Variants in AGBL4 observed in about 807,000 individuals in gnomAD.
AGBL4 encodes AGBL carboxypeptidase 4.
Under a neutral mutation model 66.4 loss-of-function variants are expected in AGBL4, and 58 were observed. The ratio of observed to expected loss-of-function variants is 0.87; its 90% CI spans 0.71 to 1.09. The LOEUF is 1.09. Among genes scored for constraint, AGBL4 ranks in the 50% least tolerant of loss-of-function variants. The pLI is 0.00. For synonymous variants in AGBL4, 234 were observed against 222.9 expected, an observed-to-expected ratio of 1.05 and a Z score of -0.44; for missense variants, 579 against 631.0, an observed-to-expected ratio of 0.92 and a Z score of 0.88.
chr1:49,650,667 G>A (rs1384692411), intron 3 of AGBL4, among the ~76,000 whole-genome samples: 1 of 152,168 alleles, frequency 6.6e-6, no homozygotes, highest in Non-Finnish European at 1.5e-5. Context: ...CAACTACAGG[G>A]AACCAGTGGG....
chr1:49,918,817 C>T (rs1227495878), intron 1 of AGBL4, among the ~76,000 whole-genome samples: 3 of 152,126 alleles, frequency 2.0e-5, no homozygotes, highest in Non-Finnish European at 4.4e-5. Context: ...TGATGAACAT[C>T]GATGCAAAAA....
At chr1:49,826,239 A>T (rs559233811) in intron 2 of AGBL4, among the ~76,000 whole-genome samples, 3 of 152,326 alleles carry the variant, frequency 2.0e-5, no homozygotes, top group Non-Finnish European at 4.4e-5. Context: ...AAAAAAAACA[A>T]GCAAAACATA....
At chr1:48,943,021 G>A (rs1418423353) in intron 5 of AGBL4, among the ~76,000 whole-genome samples, 6 of 152,180 alleles carry the variant, frequency 3.9e-5, no homozygotes, top group East Asian at 3.9e-4. Flanking sequence ...CCCCTTTATC[G>A]TAGTTATTTC....
intron 3 of AGBL4, among the ~76,000 whole-genome samples, chr1:49,682,827 A>T (rs1274172682): frequency 2.0e-5 from 3 of 152,248 alleles, no homozygotes; most frequent in Non-Finnish European, 4.4e-5. Flanking sequence ...TCCTAGGAAG[A>T]CAACATGAAA....
intron 6 of AGBL4, among the ~76,000 whole-genome samples, chr1:48,740,156 A>T (rs1015457894): frequency 6.6e-6 from 1 of 152,272 alleles, no homozygotes; most frequent in African/African-American, 2.4e-5. Flanking sequence ...CAACTTTAGA[A>T]CACAGAAAGA....
intron 1 of AGBL4, among the ~76,000 whole-genome samples, chr1:49,954,020 A>G (rs1218690746): frequency 1.3e-5 from 2 of 151,842 alleles, no homozygotes; most frequent in East Asian, 3.9e-4. Flanking sequence ...CAGGCTCCTA[A>G]GTAGGTAGGA....
At chr1:49,225,470 C>CCATTA (rs1293376247) in intron 4 of AGBL4, among the ~76,000 whole-genome samples, 1 of 152,160 alleles carries the variant, frequency 6.6e-6, no homozygotes, top group Non-Finnish European at 1.5e-5. Flanking sequence ...TGCAGAGAAG[C>CCATTA]CATTACACAG....
At chr1:49,301,187 G>C (rs1644738174) in intron 3 of AGBL4, among the ~76,000 whole-genome samples, 1 of 152,178 alleles carries the variant, frequency 6.6e-6, no homozygotes. Flanking sequence ...TTTCAGCTAG[G>C]AGCTATCAAA....
At chr1:49,719,261 T>C (rs1648405548) in intron 2 of AGBL4, among the ~76,000 whole-genome samples, 1 of 152,174 alleles carries the variant, frequency 6.6e-6, no homozygotes, top group Non-Finnish European at 1.5e-5. Flanking sequence ...AGTCTATTCA[T>C]TTCCAAAATC....
At chr1:48,784,081 T>C (rs987754103) in intron 6 of AGBL4, among the ~76,000 whole-genome samples, 5 of 152,144 alleles carry the variant, frequency 3.3e-5, no homozygotes, top group African/African-American at 1.2e-4. Flanking sequence ...TCTTATGGTG[T>C]GGCCTTGGGT....
rs563696393 is a variant in AGBL4, at chr1:48,644,814, C to T, written c.839+8523G>A. 7.9e-5 allele frequency among the ~76,000 whole-genome samples: 12 copies of T among 152,204 alleles called. No individual in the cohort carries two copies. In the South Asian group the frequency reaches 2.1e-3, roughly 26 times the overall value. ...TTCTTTCTGAGGGTCAATGGGGAGC[C>T]GCCGAAGGATTTTTACACAAAGAAC... On this transcript the variant is annotated intron_variant, in intron 8 of 13. Transcript: ENST00000371839.
At chr1:49,606,898 G>A (rs1010955748) in intron 3 of AGBL4, among the ~76,000 whole-genome samples, 1 of 151,948 alleles carries the variant, frequency 6.6e-6, no homozygotes, top group African/African-American at 2.4e-5. Context: ...GGCATCACAG[G>A]AGGCAAGGGT....
chr1:48,675,153 G>A (rs965693118), intron 6 of AGBL4, among the ~76,000 whole-genome samples: 2 of 151,822 alleles, frequency 1.3e-5, no homozygotes, highest in African/African-American at 2.4e-5. Context: ...AGACCCCCCC[G>A]CCACACCCAT....
chr1:49,553,624 A>T (rs1259507756), intron 3 of AGBL4, among the ~76,000 whole-genome samples: 1 of 152,110 alleles, frequency 6.6e-6, no homozygotes, highest in African/African-American at 2.4e-5. Flanking sequence ...CAGCGAAAAG[A>T]CCCCAGAGAT....
intron 3 of AGBL4, among the ~76,000 whole-genome samples, chr1:49,488,223 C>A (rs1034760775): frequency 4.0e-5 from 6 of 151,416 alleles, no homozygotes; most frequent in African/African-American, 1.5e-4. Flanking sequence ...CCCAGAAAAC[C>A]ATTCTTTTCC....
chr1:49,939,203 G>C (rs1654468203), intron 1 of AGBL4, among the ~76,000 whole-genome samples: 1 of 151,416 alleles, frequency 6.6e-6, no homozygotes, highest in Non-Finnish European at 1.5e-5. Context: ...AAATAAAAGA[G>C]GATACAAACA....
At chr1:49,782,158 G>C (rs2147907589) in intron 2 of AGBL4, among the ~76,000 whole-genome samples, 1 of 151,708 alleles carries the variant, frequency 6.6e-6, no homozygotes, top group South Asian at 2.1e-4. Context: ...AAACAAGAAA[G>C]AAAGTCAATA....
chr1:48,981,683 G>A (rs923655304), intron 5 of AGBL4, among the ~76,000 whole-genome samples: 1 of 152,102 alleles, frequency 6.6e-6, no homozygotes, highest in Non-Finnish European at 1.5e-5. Context: ...TCAGGGGTTC[G>A]AGACCAGCCT....
chr1:49,283,983 G>C (rs577761650), intron 3 of AGBL4, among the ~76,000 whole-genome samples: 78 of 149,018 alleles, frequency 5.2e-4, no homozygotes, highest in African/African-American at 1.9e-3. Flanking sequence ...AATCTAGCAA[G>C]GCAGGCCAAC....
Sources: allele counts gnomAD v4.1 joint callset (sites outside exome capture counted in the v4.1 genomes callset), GRCh38; gene constraint gnomAD v4.1.1; transcripts MANE v1.5; gene names NCBI Gene and HGNC (gene_info 2026-07-23, HGNC 2026-07-21).